Variants in PPP4R4 observed in about 807,000 individuals in gnomAD.
PPP4R4 encodes the protein protein phosphatase 4 regulatory subunit 4, also known as serine/threonine-protein phosphatase 4 regulatory subunit 4.
PPP4R4 carries 70 observed loss-of-function variants against 121.8 expected under a neutral mutation model. The ratio of observed to expected loss-of-function variants is 0.57; its 90% confidence interval spans 0.47 to 0.70. The LOEUF is 0.70. Among genes scored for constraint, PPP4R4 ranks in the 30% least tolerant of loss-of-function variants. The probability of loss-of-function intolerance (pLI) is 0.00; values close to 1 mark genes in which losing one functional copy is unlikely to be tolerated. For missense variants in PPP4R4, 875 were observed against 1,033.6 expected, an observed-to-expected ratio of 0.85 and a Z score of 2.10; for synonymous variants, 348 against 355.7, an observed-to-expected ratio of 0.98 and a Z score of 0.24.
At chr14:94,199,275 C>A (rs555341442) in intron 2 of PPP4R4, among the ~76,000 whole-genome samples, 8 of 152,224 alleles carry the variant, frequency 5.3e-5, no homozygotes, top group Admixed American at 6.5e-5. Context: ...TTCCCCAGAC[C>A]GCTCGCAGGG....
chr14:94,263,759 C>T (rs10149151), intron 19 of PPP4R4, among the ~76,000 whole-genome samples: 1,979 of 152,224 alleles, frequency 0.013, 42 homozygotes, highest in African/African-American at 0.045. Flanking sequence ...TAGATAACTC[C>T]GTTAATCCAA....
intron 3 of PPP4R4, among the ~76,000 whole-genome samples, chr14:94,211,468 A>G (rs35220388): frequency 0.13 from 19,767 of 152,174 alleles, 1,426 homozygotes; most frequent in Admixed American, 0.21. Flanking sequence ...GAGAACGGTA[A>G]TTAGCCCTAA....
chr14:94,258,636 T>G (rs71431629), intron 17 of PPP4R4, 147 bp from the exon 18 acceptor site: 9,593 of 639,540 alleles, frequency 0.015, 119 homozygotes, highest in Non-Finnish European at 0.019. Flanking sequence ...AATGTAGAAT[T>G]GGGCAGAACT....
intron 3 of PPP4R4, among the ~76,000 whole-genome samples, chr14:94,226,064 A>G (rs1891680721): frequency 6.6e-6 from 1 of 152,160 alleles, no homozygotes; most frequent in Non-Finnish European, 1.5e-5. Flanking sequence ...TTTCTTTGCA[A>G]AGTTTTGAAT....
At position 94,237,674 on chromosome 14, in the gene PPP4R4, A is replaced by G. The variant is rs1186720416; in HGVS notation, c.841A>G (p.Ile281Val). The G allele has an allele frequency of 1.2e-6, 2 of 1,611,976 alleles. No individual in the cohort carries two copies. The highest frequency in any genetic ancestry group is 1.7e-6 in the Non-Finnish European group (2 of 1,178,168). ...AFETLVNLLD[I>V]FDTDDRSQTI... ...TGAAACTTTGGTTAATCTGCTTGAT[A>G]TATTTGATACAGGTAAATCATGTGG... Residue 281 changes from isoleucine to valine, a missense_variant, in exon 8 of 25, where the codon ATA becomes GTA. Coordinates refer to ENST00000304338, the MANE Select transcript of PPP4R4 (RefSeq NM_058237.2).
intron 4 of PPP4R4, 94 bp from the exon 5 acceptor site, chr14:94,231,148 T>C (rs1376617413): frequency 3.4e-6 from 3 of 894,086 alleles, no homozygotes; most frequent in East Asian, 5.1e-5. Context: ...ATTTCCATTT[T>C]ATCATTAAGT....
In PPP4R4 at chr14:94,256,478, G is replaced by C; in HGVS notation, c.1884G>C (p.Leu628=). The C allele has an allele frequency of 6.3e-7, 1 of 1,597,038 alleles. No homozygotes were observed. The highest frequency in any genetic ancestry group is 8.6e-7 in the Non-Finnish European group (1 of 1,167,520). ...VANVRMKLCY[L]LPKVKSTLKI... ...ATTGTAGAATGAAACTTTGCTACCT[G>C]TTGCCCAAAGTGAAATCTACTCTGA... The change falls in exon 17 of 25, where the codon CTG becomes CTC. Residue 628 remains leucine, a synonymous_variant. Coordinates refer to ENST00000304338, the MANE Select transcript of PPP4R4 (RefSeq NM_058237.2).
intron 2 of PPP4R4, among the ~76,000 whole-genome samples, chr14:94,182,541 A>G (rs915054887): frequency 3.9e-5 from 6 of 152,190 alleles, no homozygotes; most frequent in South Asian, 2.1e-4. Context: ...CCTTTTGTGT[A>G]TAGCTGCTTT....
At chr14:94,242,587 T>G (rs1302631591) in intron 11 of PPP4R4, among the ~76,000 whole-genome samples, 179 bp downstream of exon 11, 2 of 152,190 alleles carry the variant, frequency 1.3e-5, no homozygotes, top group Non-Finnish European at 2.9e-5. Flanking sequence ...TACTGAATCA[T>G]TTCCATAAAT....
At chr14:94,275,301 A>T in intron 23 of PPP4R4, 73 bp from the exon 24 acceptor site, 1 of 1,518,618 alleles carries the variant, frequency 6.6e-7, no homozygotes, top group Non-Finnish European at 9.1e-7. Flanking sequence ...GCTATCATTA[A>T]CCTTTTCTTC....
chr14:94,255,654 T>C lies in PPP4R4; in HGVS notation c.1866-806T>C, dbSNP rs562561129. ...CCAACTACTTCTCACCACCTTTTAC[T>C]GCTACCACTCTGGTTCAATGTACCA... On this transcript the variant is annotated intron_variant, in intron 16 of 24. Transcript: ENST00000304338. Among the ~76,000 whole-genome samples, 16 of 152,268 alleles carry C rather than the reference T, an allele frequency of 1.1e-4. No individual in the cohort carries two copies. The South Asian group carries it at 3.3e-3, about 32-fold the overall frequency.
chr14:94,267,081 A>AT, intron 23 of PPP4R4, 52 bp downstream of exon 23: 1 of 1,277,250 alleles, frequency 7.8e-7, no homozygotes, highest in Non-Finnish European at 1.1e-6. Context: ...ACAAAATATT[A>AT]TTTTCCTTAA....
intron 3 of PPP4R4, among the ~76,000 whole-genome samples, chr14:94,223,900 C>T (rs1364492680): frequency 6.6e-6 from 1 of 152,164 alleles, no homozygotes; most frequent in Non-Finnish European, 1.5e-5. Flanking sequence ...ACCATCTCCA[C>T]ATCCACACAG....
intron 7 of PPP4R4, among the ~76,000 whole-genome samples, chr14:94,237,059 T>C (rs1284927053): frequency 6.6e-6 from 1 of 152,196 alleles, no homozygotes; most frequent in African/African-American, 2.4e-5. Flanking sequence ...AAAGTATTTA[T>C]ATTATGTTTC....
chr14:94,181,909 A>C (rs1016132952), intron 2 of PPP4R4, among the ~76,000 whole-genome samples: 1 of 152,250 alleles, frequency 6.6e-6, no homozygotes, highest in African/African-American at 2.4e-5. Context: ...TTGAGAACAT[A>C]CTTAGCTGAC....
intron 19 of PPP4R4, among the ~76,000 whole-genome samples, chr14:94,262,335 G>C (rs1193192703): frequency 6.6e-6 from 1 of 151,882 alleles, no homozygotes; most frequent in Non-Finnish European, 1.5e-5. Context: ...TTGGCATGAA[G>C]TTATTTATAA....
At position 94,240,910 on chromosome 14, in the gene PPP4R4, A is replaced by G. The variant is rs907910160; in HGVS notation, c.976+115A>G. 2.8e-5 allele frequency: 35 copies of G among 1,252,336 alleles called. No individual in the cohort carries two copies. In the African/African-American group the frequency reaches 5.3e-4, roughly 19 times the overall value. 77.6% of individuals were successfully genotyped at this position (1,252,336 alleles called of 1,614,324 possible). ...TGTAAAGCCTAACTCTTAAGTATAT[A>G]AAAATCTTATGAGATCTTAGAATTT... is the stretch of plus-strand genomic sequence containing the variant. On this transcript the variant is annotated intron_variant, in intron 9 of 24. Coordinates refer to ENST00000304338, the MANE Select transcript of PPP4R4 (RefSeq NM_058237.2).
chr14:94,242,501 A>T, intron 11 of PPP4R4, 93 bp downstream of exon 11: 1 of 1,222,280 alleles, frequency 8.2e-7, no homozygotes, highest in Non-Finnish European at 1.1e-6. Flanking sequence ...TAAGATATAG[A>T]CTGGATATCT....
chr14:94,227,058 TAACTA>T (rs1238498777), intron 3 of PPP4R4, among the ~76,000 whole-genome samples: 1 of 152,250 alleles, frequency 6.6e-6, no homozygotes, highest in Non-Finnish European at 1.5e-5. Flanking sequence ...CCACTCATGT[TAACTA>T]AAGAGCGAAT....
Sources: gnomAD v4.1 joint callset for allele counts (sites outside exome capture counted in the v4.1 genomes callset) on GRCh38, gnomAD v4.1.1 for gene constraint, MANE v1.5 for transcripts, NCBI Gene and HGNC (gene_info 2026-07-23, HGNC 2026-07-21) for gene names.